Variants in FBXO42 observed in about 807,000 individuals in gnomAD.
FBXO42 encodes F-box protein 42, also known as F-box only protein 42.
A neutral mutation model predicts 71.7 loss-of-function variants in FBXO42; 12 were observed. The ratio of observed to expected loss-of-function variants is 0.17; its 90% CI spans 0.11 to 0.27. The LOEUF is 0.27. Ranked by LOEUF, FBXO42 falls within the 10% of genes least tolerant of loss-of-function variation. The pLI, the probability that FBXO42 is intolerant of heterozygous loss-of-function variation, is 1.00. For synonymous variants in FBXO42, 325 were observed against 327.5 expected (o/e 0.99, Z 0.08); for missense variants, 707 against 911.9 (o/e 0.78, Z 2.89).
chr1:16,337,883 CAAAAAAAAAAAAAAAA>C (rs60328879), intron 1 of FBXO42, among the ~76,000 whole-genome samples: 48 of 38,862 alleles, frequency 1.2e-3, no homozygotes, highest in African/African-American at 3.4e-3. Flanking sequence ...GACTCCGTCT[CAAAAAAAAAAAAAAAA>C]AAAAAAAAAA....
intron 4 of FBXO42, among the ~76,000 whole-genome samples, chr1:16,281,182 G>C (rs1298154893): frequency 1.3e-5 from 2 of 152,084 alleles, no homozygotes; most frequent in African/African-American, 2.4e-5. Flanking sequence ...GGCTGGTCTC[G>C]AACTCCTGAC....
chr1:16,278,357 C>T (rs1270417558), intron 4 of FBXO42, among the ~76,000 whole-genome samples: 3 of 135,412 alleles, frequency 2.2e-5, no homozygotes, highest in Non-Finnish European at 4.9e-5. Flanking sequence ...AACTCCATCT[C>T]AAAAAAAAAA....
At position 16,252,493 on chromosome 1, in the gene FBXO42, G is replaced by T; in HGVS notation, c.922-89C>A. On this transcript the variant is annotated intron_variant, in intron 8 of 9. Coordinates refer to ENST00000375592, the MANE Select transcript of FBXO42 (RefSeq NM_018994.3). This position sits in a 1 kb window ranked among gnomAD's most constrained non-coding sequence, Gnocchi z 4.4. ...AGAGTTGCAGTCTCAAAGCTCTCCT[G>T]TCTGGTCTTGAAAGGATGTGGACTC... 9.6e-7 allele frequency: 1 copy of T among 1,039,690 alleles called. No individual in the cohort carries two copies. Among genetic ancestry groups the T allele is most frequent in the East Asian group, 2.4e-5 (1 of 41,826 alleles). The allele number at this position is 1,039,690 out of a possible 1,614,324, so 64.4% of individuals were successfully genotyped here.
At chr1:16,279,501 CA>C (rs899832042) in intron 4 of FBXO42, among the ~76,000 whole-genome samples, 1 of 152,068 alleles carries the variant, frequency 6.6e-6, no homozygotes, top group Non-Finnish European at 1.5e-5. Context: ...TGCTCCTCAC[CA>C]AAAAAATTTT....
At chr1:16,274,760 T>G (rs1400080805) in intron 4 of FBXO42, among the ~76,000 whole-genome samples, 1 of 150,446 alleles carries the variant, frequency 6.6e-6, no homozygotes, top group African/African-American at 2.4e-5. Context: ...CCCAGCTAAT[T>G]TTTTGTATTT....
intron 2 of FBXO42, among the ~76,000 whole-genome samples, chr1:16,308,906 G>A (rs1245808443): frequency 6.6e-6 from 1 of 151,452 alleles, no homozygotes; most frequent in East Asian, 1.9e-4. Flanking sequence ...ACCATGCCTA[G>A]CTAATTTTGC....
chr1:16,319,683 C>T (rs939292914), intron 1 of FBXO42, among the ~76,000 whole-genome samples: 10 of 152,064 alleles, frequency 6.6e-5, no homozygotes, highest in African/African-American at 2.4e-4. Flanking sequence ...GAAGCTTAGG[C>T]AGGCGGATCA....
chr1:16,338,187 A>T (rs2082570029), intron 1 of FBXO42, among the ~76,000 whole-genome samples: 1 of 151,684 alleles, frequency 6.6e-6, no homozygotes, highest in Non-Finnish European at 1.5e-5. Context: ...TGAACCTGGG[A>T]GGCAGAGCTT....
At chr1:16,334,418 CAAAAAAAAAA>C (rs757658037) in intron 1 of FBXO42, among the ~76,000 whole-genome samples, 1 of 52,788 alleles carries the variant, frequency 1.9e-5, no homozygotes, top group Non-Finnish European at 3.9e-5. Context: ...GACTCCGCCT[CAAAAAAAAAA>C]AAAAAAAAAA....
At chr1:16,264,685 C>A (rs113100500) in intron 4 of FBXO42, among the ~76,000 whole-genome samples, 3 of 152,154 alleles carry the variant, frequency 2.0e-5, no homozygotes, top group Non-Finnish European at 4.4e-5. Flanking sequence ...CCTCCTAAAT[C>A]GCACAGCAGA....
At chr1:16,342,408 A>C (rs1046926750) in intron 1 of FBXO42, among the ~76,000 whole-genome samples, 13 of 151,150 alleles carry the variant, frequency 8.6e-5, no homozygotes, top group African/African-American at 2.2e-4. Context: ...AAAAAAAAAA[A>C]AAAAAAAAAC....
chr1:16,340,239 G>C (rs1302225281), intron 1 of FBXO42, among the ~76,000 whole-genome samples: 1 of 150,712 alleles, frequency 6.6e-6, no homozygotes, highest in Non-Finnish European at 1.5e-5. Flanking sequence ...CCTGGAGACT[G>C]TTTCAGAAAA....
chr1:16,295,061 T>C, intron 3 of FBXO42, 144 bp from the exon 4 acceptor site: 1 of 889,986 alleles, frequency 1.1e-6, no homozygotes, highest in Non-Finnish European at 1.6e-6. Context: ...CAGCCTCTTG[T>C]CTCCAAGTGG....
rs2081570924 is a variant in FBXO42 at position 16,249,631 on chromosome 1, A to G, written c.*1039T>C. On this transcript the variant is annotated 3_prime_UTR_variant, in exon 10 of 10. Transcript: ENST00000375592. Reference sequence around the variant, plus strand: ...ATGCTTGCTTCAAAGATTTCTCACAATATTGGCATCTTAGAATTCCCTACT... The same window carrying G: ...ATGCTTGCTTCAAAGATTTCTCACAGTATTGGCATCTTAGAATTCCCTACT... 1 of 152,192 alleles carries G rather than the reference A, an allele frequency of 6.6e-6. No homozygotes were observed. The highest frequency in any genetic ancestry group is 1.5e-5 in the Non-Finnish European group (1 of 68,032). 9.4% of individuals were successfully genotyped at this position (152,192 alleles called of 1,614,324 possible). A position where few individuals can be genotyped will look rare whatever the true frequency, so the allele number is the denominator to read the frequency against.
At position 16,294,930 on chromosome 1, in the gene FBXO42, T is replaced by C. The variant is rs756082689; in HGVS notation, c.368-13A>G. 2 of 1,576,886 alleles carry C rather than the reference T, an allele frequency of 1.3e-6. No individual in the cohort carries two copies. The highest frequency in any genetic ancestry group is 1.4e-5 in the African/African-American group (1 of 73,900). Reference sequence around the variant, plus strand: ...TAATAGCATGCACCTAGAAAGAAAATACACAAATAACTGCTGTGAAAATTC... The same window carrying C: ...TAATAGCATGCACCTAGAAAGAAAACACACAAATAACTGCTGTGAAAATTC... On this transcript the variant is annotated splice_polypyrimidine_tract_variant and intron_variant, in intron 3 of 9. Coordinates refer to ENST00000375592, the MANE Select transcript of FBXO42 (RefSeq NM_018994.3).
intron 4 of FBXO42, among the ~76,000 whole-genome samples, chr1:16,272,154 CA>C (rs999974704): frequency 0.027 from 1,215 of 44,656 alleles, 5 homozygotes; most frequent in African/African-American, 0.052. Context: ...GACTCCGTCC[CA>C]AAAAAAAAAA....
At chr1:16,256,803 C>A in intron 4 of FBXO42, 44 bp from the exon 5 acceptor site, 1 of 1,604,658 alleles carries the variant, frequency 6.2e-7, no homozygotes, top group Non-Finnish European at 8.5e-7. Context: ...CAGGATCTCA[C>A]AACAATCCGT....
At chr1:16,334,640 T>C (rs2082535235) in intron 1 of FBXO42, among the ~76,000 whole-genome samples, 1 of 152,140 alleles carries the variant, frequency 6.6e-6, no homozygotes, top group African/African-American at 2.4e-5. Context: ...TGACACACAC[T>C]TAACAGAATT....
intron 2 of FBXO42, among the ~76,000 whole-genome samples, chr1:16,314,712 G>A (rs1022652666): frequency 7.2e-5 from 11 of 151,944 alleles, no homozygotes; most frequent in Admixed American, 2.0e-4. Flanking sequence ...GTGAAACCCC[G>A]TCTCTAGTAA....
Sources: allele counts gnomAD v4.1 joint callset (sites outside exome capture counted in the v4.1 genomes callset), GRCh38; gene constraint gnomAD v4.1.1; non-coding constraint Gnocchi (gnomAD v3.1); transcripts MANE v1.5; gene names NCBI Gene and HGNC (gene_info 2026-07-23, HGNC 2026-07-21).